Variants in PIEZO1 observed in about 807,000 individuals in gnomAD.
PIEZO1 encodes the protein piezo type mechanosensitive ion channel component 1 (Er blood group), also known as piezo-type mechanosensitive ion channel component 1.
A neutral mutation model predicts 297.2 loss-of-function variants in PIEZO1; 296 were observed. The ratio of observed to expected loss-of-function variants is 1.00; its 90% confidence interval spans 0.91 to 1.10. The LOEUF is 1.10. PIEZO1 is among the 50% of genes least tolerant of loss of function. The pLI is 0.00. For missense variants in PIEZO1, 5,018 were observed against 3,455.5 expected (o/e 1.45, Z -11.34); for synonymous variants, 2,427 against 1,507.5 (o/e 1.61, Z -14.13).
chr16:88,783,880 T>C (rs963284539), intron 1 of PIEZO1, among the ~76,000 whole-genome samples: 1 of 152,222 alleles, frequency 6.6e-6, no homozygotes, highest in Non-Finnish European at 1.5e-5. Flanking sequence ...AGCTCCCACC[T>C]GGAGCGAGGC....
At chr16:88,733,841 GC>G in intron 17 of PIEZO1, 64 bp downstream of exon 17, 2 of 1,459,230 alleles carry the variant, frequency 1.4e-6, no homozygotes. Flanking sequence ...CTCTGCCAAC[GC>G]CCCCCGAGCT....
chr16:88,723,428 C>CACAGAGCAGGGA, intron 31 of PIEZO1, 100 bp from the exon 32 acceptor site: 1 of 1,348,390 alleles, frequency 7.4e-7, no homozygotes, highest in Non-Finnish European at 1.0e-6. Context: ...CAGATCCCTG[C>CACAGAGCAGGGA]TCTGTGTCTC....
At chr16:88,730,317 C>T (rs967387774) in intron 22 of PIEZO1, among the ~76,000 whole-genome samples, 3 of 151,982 alleles carry the variant, frequency 2.0e-5, no homozygotes, top group African/African-American at 7.3e-5. Flanking sequence ...CGGGGCCGGG[C>T]GTGGCAGCTC....
At chr16:88,749,687 G>C (rs528411994) in intron 1 of PIEZO1, among the ~76,000 whole-genome samples, 3 of 152,222 alleles carry the variant, frequency 2.0e-5, no homozygotes, top group South Asian at 2.1e-4. Context: ...CCAGCGGGGC[G>C]CTGGGGTTTT....
At chr16:88,749,637 G>C (rs550795021) in intron 1 of PIEZO1, among the ~76,000 whole-genome samples, 158 bp from the exon 2 acceptor site, 7 of 152,236 alleles carry the variant, frequency 4.6e-5, no homozygotes, top group East Asian at 1.9e-4. Flanking sequence ...TCGCGCTTCC[G>C]TACATATCTC....
chr16:88,734,223 C>G (rs769405403), intron 16 of PIEZO1, 133 bp downstream of exon 16: 6 of 1,184,256 alleles, frequency 5.1e-6, no homozygotes, highest in Non-Finnish European at 6.9e-6. Flanking sequence ...TACTGCCATC[C>G]CCTTGGTATG....
At position 88,715,838 on chromosome 16, in the gene PIEZO1, C is replaced by A. The variant is rs146432823; in HGVS notation, c.7333G>T (p.Val2445Leu). The change falls in exon 51 of 51, where the codon GTG (valine) becomes TTG (leucine). Residue 2445 changes from valine to leucine, a missense_variant. Physicochemically the swap from Val to Leu is conservative, Grantham distance 32. Coordinates refer to ENST00000301015, the MANE Select transcript of PIEZO1 (RefSeq NM_001142864.4). ...LAGYGIMGLY[V>L]SIVLVIGKFV... is the part of the protein sequence containing the mutation. ...TTGCCGATGACCAGCACGATGGACA[C>A]GTACAGCCCCATGATGCTGCGGGGG... is the stretch of plus-strand genomic sequence containing the variant. 1.9e-6 allele frequency: 3 copies of A among 1,550,128 alleles called. No homozygotes were observed. Among genetic ancestry groups the A allele is most frequent in the South Asian group, 1.2e-5 (1 of 84,068 alleles).
chr16:88,740,727 T>A (rs1224164365), intron 5 of PIEZO1: 2 of 152,290 alleles, frequency 1.3e-5, no homozygotes, highest in Non-Finnish European at 2.9e-5. Flanking sequence ...GTGGCGAGCA[T>A]CAGCTATCTG....
chr16:88,723,138 G>T lies in PIEZO1; in HGVS notation c.4452C>A (p.Ser1484Arg). The T allele has an allele frequency of 6.5e-7, 1 of 1,549,000 alleles. No homozygotes were observed. The highest frequency in any genetic ancestry group is 2.4e-5 in the East Asian group (1 of 40,910). Reference sequence around the variant, plus strand: ...GGCCCTCTGCTGGCTCCACCTCCTGGCTGGGACCACCTCCTGGGCACAGGA... The same window carrying T: ...GGCCCTCTGCTGGCTCCACCTCCTGTCTGGGACCACCTCCTGGGCACAGGA... ...AGQLPTGGGP[S>R]QEVEPAEGPE... The change falls in exon 33 of 51, where the codon AGC (serine) becomes AGA (arginine). Residue 1484 changes from serine (S) to arginine (R), a missense_variant. Ser to Arg is a moderately radical substitution (Grantham distance 110). Coordinates refer to ENST00000301015, the MANE Select transcript of PIEZO1 (RefSeq NM_001142864.4).
chr16:88,715,947 G>C lies in PIEZO1; in HGVS notation c.7302C>G (p.Phe2434Leu). 1 of 1,549,518 alleles carries C rather than the reference G, an allele frequency of 6.5e-7. No homozygotes were observed. Among genetic ancestry groups the C allele is most frequent in the Non-Finnish European group, 8.7e-7 (1 of 1,146,418 alleles). ...CACTCACTCACCCGTAGCCAGCCAG[G>C]AAGCCGAGGCTCGGTGGGCTGACCT... The part of the protein sequence containing the change: ...SDKVSPPSLG[F>L]LAGYGIMGLY... The change falls in exon 50 of 51, where the codon TTC becomes TTG. Residue 2434 changes from phenylalanine (F) to leucine (L), a missense_variant. Physicochemically the swap from Phe to Leu is conservative, Grantham distance 22. Transcript: ENST00000301015.
rs1197906435 is a variant in PIEZO1 at position 88,719,711 on chromosome 16, C to T, written c.6334G>A (p.Val2112Met). 6.4e-7 allele frequency: 1 copy of T among 1,551,230 alleles called. No homozygotes were observed. The highest frequency in any genetic ancestry group is 8.7e-7 in the Non-Finnish European group (1 of 1,147,404). ...NLFLFQGFRLVPFLVELRAVM... is the reference protein window; with the variant it reads ...NLFLFQGFRLMPFLVELRAVM... ...GCCCGCAGCTCCACCAGGAACGGCA[C>T]CAGCCGGAACCTGCCCACAGCCAGG... The change falls in exon 44 of 51, where the codon GTG becomes ATG. Residue 2112 changes from valine (V) to methionine (M), a missense_variant. Transcript: ENST00000301015.
At position 88,723,232 on chromosome 16, in the gene PIEZO1, G is replaced by T; in HGVS notation, c.4432C>A (p.Pro1478Thr). The change falls in exon 32 of 51, where the codon CCC becomes ACC. Residue 1478 changes from proline (P) to threonine (T), a missense_variant. Pro to Thr is a conservative substitution (Grantham distance 38). Transcript: ENST00000301015. ...CCCACGCCCCCCAGCTCACCTGTGG[G>T]TAGCTGTCCTGCCTGTTCCTGCCTT... ...QARQEQAGQL[P>T]TGGGPSQEVE... is the part of the protein sequence containing the mutation. 1.9e-6 allele frequency: 3 copies of T among 1,547,376 alleles called. No homozygotes were observed. Among genetic ancestry groups the T allele is most frequent in the South Asian group, 2.4e-5 (2 of 84,044 alleles).
chr16:88,783,038 C>G (rs192003838), intron 1 of PIEZO1, among the ~76,000 whole-genome samples: 119 of 152,320 alleles, frequency 7.8e-4, no homozygotes, highest in Admixed American at 1.4e-3. Flanking sequence ...AAGGAAAGTA[C>G]CATACAGACA....
intron 2 of PIEZO1, among the ~76,000 whole-genome samples, chr16:88,744,718 T>G (rs1905926427): frequency 6.6e-6 from 1 of 151,830 alleles, no homozygotes; most frequent in Admixed American, 6.6e-5. Flanking sequence ...TCTGGCCATG[T>G]TAGAACAGCT....
chr16:88,715,668 G>T lies in PIEZO1; in HGVS notation c.7503C>A (p.Ala2501=), dbSNP rs1463844450. The T allele has an allele frequency of 3.2e-6, 5 of 1,550,226 alleles. No individual in the cohort carries two copies. The highest frequency in any genetic ancestry group is 4.4e-6 in the Non-Finnish European group (5 of 1,146,962). ...GTGAGCGGTAGAGGAAGATGAGCTT[G>T]GCGTACAACTCCTCCTCCAGCTCCA... ...RELELEEELY[A]KLIFLYRSPE... Residue 2501 remains alanine (A), a synonymous_variant, in exon 51 of 51, where the codon GCC becomes GCA. Coordinates refer to ENST00000301015, the MANE Select transcript of PIEZO1 (RefSeq NM_001142864.4).
intron 1 of PIEZO1, among the ~76,000 whole-genome samples, chr16:88,781,110 G>A (rs765361201): frequency 3.3e-5 from 5 of 152,224 alleles, no homozygotes; most frequent in Non-Finnish European, 5.9e-5. Context: ...TGACGACTGC[G>A]GTGGTCCCAT....
At chr16:88,759,665 G>C (rs2278053) in intron 1 of PIEZO1, among the ~76,000 whole-genome samples, 59,415 of 152,108 alleles carry the variant, frequency 0.39, 12,368 homozygotes, top group African/African-American at 0.54. Context: ...AGCACAAAAA[G>C]CAAACCCAGA....
In PIEZO1 at chr16:88,736,747, TG is replaced by T; in HGVS notation, c.1196-9del. On this transcript the variant is annotated splice_polypyrimidine_tract_variant and intron_variant, in intron 10 of 50. Coordinates refer to ENST00000301015, the MANE Select transcript of PIEZO1 (RefSeq NM_001142864.4). ...CAGCCCGCTTGGGCCGCACTGCAGG[TG>T]GGGACAGCGGTCAGCTTCGGCAGGT... 6.6e-7 allele frequency: 1 copy of T among 1,510,026 alleles called. No homozygotes were observed. Among genetic ancestry groups the T allele is most frequent in the Non-Finnish European group, 8.9e-7 (1 of 1,129,054 alleles). The allele number at this position is 1,510,026 out of a possible 1,614,324, so 93.5% of individuals were successfully genotyped here.
intron 1 of PIEZO1, among the ~76,000 whole-genome samples, chr16:88,749,723 T>C (rs1377397675): frequency 1.3e-5 from 2 of 152,162 alleles, no homozygotes; most frequent in East Asian, 3.9e-4. Flanking sequence ...CTTGCTTTTT[T>C]TCCTTTAAAA....
Sources: gnomAD v4.1 joint callset for allele counts (sites outside exome capture counted in the v4.1 genomes callset) on GRCh38, gnomAD v4.1.1 for gene constraint, MANE v1.5 for transcripts, NCBI Gene and HGNC (gene_info 2026-07-23, HGNC 2026-07-21) for gene names.